Variants in YTHDC1 observed in about 807,000 individuals in gnomAD.
YTHDC1 encodes YTH domain-containing protein 1.
Under a neutral mutation model 107.0 loss-of-function variants are expected in YTHDC1, and 12 were observed. That is an observed-to-expected ratio of 0.11 (90% confidence interval 0.07 to 0.18). YTHDC1 has a LOEUF of 0.18. Ranked by LOEUF, YTHDC1 falls within the 10% of genes least tolerant of loss-of-function variation. The pLI, the probability that YTHDC1 is intolerant of heterozygous loss-of-function variation, is 1.00. For synonymous variants in YTHDC1, 280 were observed against 289.5 expected (o/e 0.97, Z 0.33); for missense variants, 635 against 898.8 (o/e 0.71, Z 3.75).
chr4:68,337,206 TCTTCC>T lies in YTHDC1; in HGVS notation c.699_703del (p.Glu234GlyfsTer16). 6.2e-7 allele frequency: 1 copy of T among 1,601,958 alleles called. No individual in the cohort carries two copies. The stretch of plus-strand genomic sequence containing the variant: ...CTCCTCCTCCTCTTCCTCCTCCTCC[TCTTCC>T]TCCTCCTCCTCTCCATCTTCATCCA... On this transcript the variant is annotated frameshift_variant, in exon 4 of 17. Transcript: ENST00000344157. LOFTEE classifies it high-confidence loss of function.
At position 68,322,736 on chromosome 4, in the gene YTHDC1, G is replaced by T; in HGVS notation, c.1601+13C>A. 4 of 1,613,440 alleles carry T rather than the reference G, an allele frequency of 2.5e-6. No homozygotes were observed. The highest frequency in any genetic ancestry group is 3.4e-6 in the Non-Finnish European group (4 of 1,179,528). On this transcript the variant is annotated intron_variant, in intron 11 of 16. Transcript: ENST00000344157. The surrounding 1 kb of genome is among the most constrained non-coding windows in gnomAD (Gnocchi z 4.8). Reference sequence around the variant, plus strand: ...TACATGTGCCTATTATCAGTCCAAAGAACGTTTCTAACCTTCCCACATCCC... The same window carrying T: ...TACATGTGCCTATTATCAGTCCAAATAACGTTTCTAACCTTCCCACATCCC...
At chr4:68,319,901 C>A (rs1722260982) in intron 12 of YTHDC1, among the ~76,000 whole-genome samples, 1 of 152,014 alleles carries the variant, frequency 6.6e-6, no homozygotes, top group South Asian at 2.1e-4. Flanking sequence ...TCAGGTAATT[C>A]ATAGGGTATG....
intron 9 of YTHDC1, among the ~76,000 whole-genome samples, chr4:68,329,572 T>G (rs1723355063): frequency 6.6e-6 from 1 of 152,166 alleles, no homozygotes. Flanking sequence ...ATTTTTCTAA[T>G]AAATACAGTT....
chr4:68,337,625 G>A lies in YTHDC1; in HGVS notation c.406C>T (p.Arg136Trp), dbSNP rs763860504. ...GCCCTCCTTTCAGGATCCCTTTTCCGGACACAGGTTTTTTCAGGTTGATTC... is the reference window on the plus strand; with the variant it reads ...GCCCTCCTTTCAGGATCCCTTTTCCAGACACAGGTTTTTTCAGGTTGATTC... The part of the protein sequence containing the change: ...YKNQPEKTCV[R>W]KRDPERRAKS... The change falls in exon 3 of 17, where the codon CGG (arginine) becomes TGG (tryptophan). Residue 136 changes from arginine (R) to tryptophan (W), a missense_variant. By Grantham distance (101) the Arg-to-Trp change is moderately radical. This residue lies in a region of YTHDC1 where 294 missense variants were observed against 312.3 expected (regional missense o/e 0.94). Transcript: ENST00000344157. 1.5e-5 allele frequency: 24 copies of A among 1,612,924 alleles called. No homozygotes were observed. The highest frequency in any genetic ancestry group is 3.3e-5 in the Admixed American group (2 of 59,714).
At chr4:68,338,007 AT>A in intron 2 of YTHDC1, 107 bp from the exon 3 acceptor site, 5 of 1,472,288 alleles carry the variant, frequency 3.4e-6, no homozygotes, top group Non-Finnish European at 4.4e-6. Context: ...GATAGGCCTC[AT>A]TTCTTTAAAA....
At chr4:68,335,541 A>G (rs1724059840) in intron 4 of YTHDC1, among the ~76,000 whole-genome samples, 1 of 152,134 alleles carries the variant, frequency 6.6e-6, no homozygotes, top group African/African-American at 2.4e-5. Flanking sequence ...TTACAAATGC[A>G]ATTTCTGGTC....
Position 68,312,120 on chromosome 4 carries a change from CATTT to C in YTHDC1, c.*1975_*1978del, listed in dbSNP as rs1485705412. 1.3e-5 allele frequency: 2 copies of C among 152,168 alleles called. No homozygotes were observed. Among genetic ancestry groups the C allele is most frequent in the Non-Finnish European group, 2.9e-5 (2 of 68,038 alleles). The allele number at this position is 152,168 out of a possible 1,614,324, so 9.4% of individuals were successfully genotyped here. A position where few individuals can be genotyped will look rare whatever the true frequency, so the allele number is the denominator to read the frequency against. On this transcript the variant is annotated 3_prime_UTR_variant, in exon 17 of 17. Coordinates refer to ENST00000344157, the MANE Select transcript of YTHDC1 (RefSeq NM_001031732.4). ...TGGGCGACAGACTCCATCTCCAAAA[CATTT>C]ATTAATTTATATACTGTTTTTTCAA...
At chr4:68,329,152 G>GC (rs1307790171) in intron 9 of YTHDC1, among the ~76,000 whole-genome samples, 1 of 151,632 alleles carries the variant, frequency 6.6e-6, no homozygotes, top group Non-Finnish European at 1.5e-5. Flanking sequence ...ATCCATCTTT[G>GC]CCCTCTGTTC....
chr4:68,332,234 G>A (rs1221404837), intron 6 of YTHDC1, 37 bp from the exon 7 acceptor site: 1 of 1,446,770 alleles, frequency 6.9e-7, no homozygotes, highest in African/African-American at 1.4e-5. Flanking sequence ...TTAACCACAA[G>A]CCATTATCAC....
Position 68,313,142 on chromosome 4 carries a change from T to C in YTHDC1, c.*957A>G, listed in dbSNP as rs1028790279. ...TATTAACATAACTCTGTGTATCTTA[T>C]GTTAGAAATAGAAGTAAGCTTTTAA... On this transcript the variant is annotated 3_prime_UTR_variant, in exon 17 of 17. Transcript: ENST00000344157. 6.6e-6 allele frequency: 1 copy of C among 152,208 alleles called. No homozygotes were observed. The highest frequency in any genetic ancestry group is 2.1e-4 in the South Asian group (1 of 4,834). 9.4% of individuals were successfully genotyped at this position (152,208 alleles called of 1,614,324 possible). A position where few individuals can be genotyped will look rare whatever the true frequency, so the allele number is the denominator to read the frequency against.
At chr4:68,317,691 T>G (rs1181891732) in intron 15 of YTHDC1, among the ~76,000 whole-genome samples, 1 of 152,220 alleles carries the variant, frequency 6.6e-6, no homozygotes, top group Non-Finnish European at 1.5e-5. Context: ...ATGCTAAACT[T>G]AACATGTACT....
chr4:68,349,695 G>C (rs752102895), intron 1 of YTHDC1, 31 bp downstream of exon 1: 1 of 1,570,788 alleles, frequency 6.4e-7, no homozygotes, highest in Non-Finnish European at 8.6e-7. Context: ...CCCCAGCCTC[G>C]CCTCGGCCCG....
rs188615575 is a variant in YTHDC1, at chr4:68,322,412, C to T, written c.1601+337G>A. The T allele has an allele frequency of 3.9e-4, 92 of 233,926 alleles. No homozygotes were observed. The highest frequency in any genetic ancestry group is 1.6e-3 in the African/African-American group (73 of 44,794). The allele number at this position is 233,926 out of a possible 1,614,324, so 14.5% of individuals were successfully genotyped here. ...TAACAATTTTTGCAAATAAAGACTT[C>T]CTCCTCTTCCTCCTTTCTAGCCTGT... is the stretch of plus-strand genomic sequence containing the variant. On this transcript the variant is annotated intron_variant, in intron 11 of 16. Transcript: ENST00000344157. This position sits in a 1 kb window ranked among gnomAD's most constrained non-coding sequence, Gnocchi z 4.8.
intron 1 of YTHDC1, among the ~76,000 whole-genome samples, chr4:68,346,100 T>C (rs75908286): frequency 0.013 from 1,793 of 134,130 alleles, 35 homozygotes; most frequent in African/African-American, 0.035. Flanking sequence ...TATATATATA[T>C]ACACACACAC....
Position 68,313,987 on chromosome 4 carries a change from A to C in YTHDC1, c.*112T>G. 1 of 1,107,426 alleles carries C rather than the reference A, an allele frequency of 9.0e-7. No individual in the cohort carries two copies. Among genetic ancestry groups the C allele is most frequent in the Non-Finnish European group, 1.3e-6 (1 of 757,344 alleles). 68.6% of individuals were successfully genotyped at this position (1,107,426 alleles called of 1,614,324 possible). A position where few individuals can be genotyped will look rare whatever the true frequency, so the allele number is the denominator to read the frequency against. ...GGGGTCATAATAAATCCTTCTACAC[A>C]ATGAACTTCATAGGCAGACAGCTGA... On this transcript the variant is annotated 3_prime_UTR_variant, in exon 17 of 17. Transcript: ENST00000344157.
chr4:68,339,670 G>C (rs918178037), intron 1 of YTHDC1, among the ~76,000 whole-genome samples: 2 of 152,202 alleles, frequency 1.3e-5, no homozygotes, highest in African/African-American at 4.8e-5. Context: ...AATGTGTTTG[G>C]AGAGTAAAAG....
At chr4:68,333,230 C>T in intron 5 of YTHDC1, 78 bp downstream of exon 5, 1 of 1,138,772 alleles carries the variant, frequency 8.8e-7, no homozygotes, top group Non-Finnish European at 1.3e-6. Flanking sequence ...CAAGTTCACA[C>T]TAAACTACAG....
chr4:68,349,701 G>A (rs777353208), intron 1 of YTHDC1, 25 bp downstream of exon 1: 3 of 1,604,354 alleles, frequency 1.9e-6, no homozygotes, highest in Non-Finnish European at 2.5e-6. Flanking sequence ...CCTCGCCTCG[G>A]CCCGTCATCT....
At chr4:68,325,308 T>A (rs1470390114) in intron 9 of YTHDC1, among the ~76,000 whole-genome samples, 5 of 152,138 alleles carry the variant, frequency 3.3e-5, no homozygotes, top group Admixed American at 1.3e-4. Context: ...TGTATCTATT[T>A]TGAAAGAAAG....
Sources: gnomAD v4.1 joint callset for allele counts (sites outside exome capture counted in the v4.1 genomes callset) on GRCh38, gnomAD v4.1.1 for gene constraint, gnomAD v4.1.1 regional missense constraint, Gnocchi (gnomAD v3.1) non-coding constraint, MANE v1.5 for transcripts, NCBI Gene and HGNC (gene_info 2026-07-23, HGNC 2026-07-21) for gene names.